Variants in FOXJ3 observed in about 807,000 individuals in gnomAD.
FOXJ3 encodes forkhead box J3.
A neutral mutation model predicts 76.1 loss-of-function variants in FOXJ3; 22 were observed. The ratio of observed to expected loss-of-function variants is 0.29; its 90% CI spans 0.21 to 0.41. FOXJ3 has a LOEUF of 0.41. FOXJ3 is among the 10% of genes least tolerant of loss of function. FOXJ3 has a pLI of 1.00. For missense variants in FOXJ3, 613 were observed against 762.1 expected (o/e 0.80, Z 2.30); for synonymous variants, 269 against 261.2 (o/e 1.03, Z -0.29).
At chr1:42,259,529 T>C (rs866652118) in intron 4 of FOXJ3, among the ~76,000 whole-genome samples, 4 of 152,220 alleles carry the variant, frequency 2.6e-5, no homozygotes, top group African/African-American at 7.2e-5. Context: ...GCAACCACAC[T>C]GCTCAAACAG....
chr1:42,241,986 G>T (rs919226082), intron 4 of FOXJ3, among the ~76,000 whole-genome samples: 14 of 152,096 alleles, frequency 9.2e-5, no homozygotes, highest in Admixed American at 2.0e-4. Flanking sequence ...AAGTCACTGA[G>T]AAAAACACAA....
In FOXJ3 at chr1:42,178,534, C is replaced by T. The variant is rs982443793; in HGVS notation, c.*1176G>A. On this transcript the variant is annotated 3_prime_UTR_variant, in exon 13 of 13. Coordinates refer to ENST00000361346, the MANE Select transcript of FOXJ3 (RefSeq NM_014947.5). ...GCGCAGTGGCTCATGTCTGTAATCC[C>T]AGCACTCTAGGAGGCTGAGGCAGGC... The T allele has an allele frequency of 2.0e-5, 3 of 152,274 alleles. No homozygotes were observed. Among genetic ancestry groups the T allele is most frequent in the African/African-American group, 7.2e-5 (3 of 41,454 alleles). The allele number at this position is 152,274 out of a possible 1,614,324, so 9.4% of individuals were successfully genotyped here. A position where few individuals can be genotyped will look rare whatever the true frequency, so the allele number is the denominator to read the frequency against.
chr1:42,278,693 T>C, intron 2 of FOXJ3, 21 bp from the exon 3 acceptor site: 2 of 1,540,676 alleles, frequency 1.3e-6, no homozygotes, highest in Non-Finnish European at 1.8e-6. Flanking sequence ...ATAGACTCCT[T>C]AGTCAATATC....
intron 1 of FOXJ3, among the ~76,000 whole-genome samples, chr1:42,314,734 GT>G (rs1347949195): frequency 1.3e-5 from 2 of 152,144 alleles, no homozygotes; most frequent in Non-Finnish European, 2.9e-5. Context: ...TACAATATAG[GT>G]TTTATCAAAA....
chr1:42,254,899 G>A (rs1363303631), intron 4 of FOXJ3, among the ~76,000 whole-genome samples: 7 of 150,726 alleles, frequency 4.6e-5, no homozygotes, highest in Non-Finnish European at 1.0e-4. Context: ...CACCAGCATG[G>A]CACATGTACA....
intron 1 of FOXJ3, among the ~76,000 whole-genome samples, chr1:42,325,342 A>ACTTAATGG (rs1383707869): frequency 1.3e-5 from 2 of 152,212 alleles, no homozygotes; most frequent in Non-Finnish European, 2.9e-5. Flanking sequence ...TAAATCCATT[A>ACTTAATGG]AGTTCTTTGA....
chr1:42,242,259 C>A (rs1484212058), intron 4 of FOXJ3, among the ~76,000 whole-genome samples: 1 of 150,776 alleles, frequency 6.6e-6, no homozygotes, highest in Admixed American at 6.6e-5. Context: ...CAATAGATTC[C>A]AATGAAAACG....
chr1:42,253,964 G>T (rs1161482671), intron 4 of FOXJ3, among the ~76,000 whole-genome samples: 1 of 150,810 alleles, frequency 6.6e-6, no homozygotes, highest in Non-Finnish European at 1.5e-5. Context: ...TTGACAAATG[G>T]GATCTAATTA....
chr1:42,261,279 G>A lies in FOXJ3; in HGVS notation c.444+3836C>T, dbSNP rs573201143. On this transcript the variant is annotated intron_variant, in intron 4 of 12. Transcript: ENST00000361346. ...AGACAAAAGACGGGATTTAAAAAAT[G>A]GAGATAGACTGCAGAATGTATAGAC... 3.0e-4 allele frequency among the ~76,000 whole-genome samples: 46 copies of A among 151,808 alleles called. No homozygotes were observed. In the South Asian group the frequency reaches 9.3e-3, roughly 31 times the overall value.
At chr1:42,234,138 T>A (rs946666338) in intron 4 of FOXJ3, among the ~76,000 whole-genome samples, 7 of 152,166 alleles carry the variant, frequency 4.6e-5, no homozygotes, top group African/African-American at 1.7e-4. Flanking sequence ...TCTCACTTCA[T>A]TTCATTCATT....
At chr1:42,282,670 A>C (rs1312846900) in intron 2 of FOXJ3, among the ~76,000 whole-genome samples, 1 of 152,172 alleles carries the variant, frequency 6.6e-6, no homozygotes, top group African/African-American at 2.4e-5. Context: ...ATAAGGAATA[A>C]GGGCCTTCTG....
At chr1:42,290,156 A>G (rs905908085) in intron 2 of FOXJ3, among the ~76,000 whole-genome samples, 1 of 152,134 alleles carries the variant, frequency 6.6e-6, no homozygotes, top group Non-Finnish European at 1.5e-5. Flanking sequence ...CTGAACTTTA[A>G]AACAACAGTT....
chr1:42,271,307 AT>A (rs549035064), intron 3 of FOXJ3, among the ~76,000 whole-genome samples: 3,554 of 148,042 alleles, frequency 0.024, 78 homozygotes, highest in African/African-American at 0.062. Flanking sequence ...ATCCCTTTTC[AT>A]TTTTTTTTTA....
intron 2 of FOXJ3, 129 bp from the exon 3 acceptor site, chr1:42,278,801 G>C: frequency 3.0e-6 from 2 of 659,868 alleles, no homozygotes; most frequent in Non-Finnish European, 5.2e-6. Context: ...GAAAAAGATT[G>C]AGTATGTTAA....
intron 1 of FOXJ3, among the ~76,000 whole-genome samples, chr1:42,325,603 T>A (rs1655786062): frequency 6.6e-6 from 1 of 152,182 alleles, no homozygotes; most frequent in Non-Finnish European, 1.5e-5. Context: ...TGAAAAACAC[T>A]ACCTTAAAGA....
chr1:42,310,696 C>T (rs185307134), intron 2 of FOXJ3, among the ~76,000 whole-genome samples: 5 of 152,086 alleles, frequency 3.3e-5, no homozygotes, highest in African/African-American at 7.2e-5. Context: ...GTGATCCACC[C>T]GCCTCGGCCT....
intron 3 of FOXJ3, among the ~76,000 whole-genome samples, chr1:42,277,274 T>C (rs1048202710): frequency 2.0e-5 from 3 of 151,570 alleles, no homozygotes; most frequent in African/African-American, 7.3e-5. Flanking sequence ...CAAGGCCCCA[T>C]CTCTACAGGA....
At chr1:42,299,083 A>C (rs955700251) in intron 2 of FOXJ3, among the ~76,000 whole-genome samples, 1 of 152,206 alleles carries the variant, frequency 6.6e-6, no homozygotes. Context: ...ATTTTGGAGA[A>C]TGTTCCACGT....
At chr1:42,256,017 G>A (rs139547068) in intron 4 of FOXJ3, among the ~76,000 whole-genome samples, 129 of 152,168 alleles carry the variant, frequency 8.5e-4, no homozygotes, top group African/African-American at 2.9e-3. Context: ...GCGAGACTTC[G>A]TCTCAAAAAA....
Sources: gnomAD v4.1 joint callset for allele counts (sites outside exome capture counted in the v4.1 genomes callset) on GRCh38, gnomAD v4.1.1 for gene constraint, MANE v1.5 for transcripts, NCBI Gene and HGNC (gene_info 2026-07-23, HGNC 2026-07-21) for gene names.